PRKDC: variants seen among roughly 807,000 people sequenced by gnomAD.
The protein encoded by PRKDC is protein kinase, DNA-activated, catalytic subunit.
Under a neutral mutation model 486.9 loss-of-function variants are expected in PRKDC, and 82 were observed. The ratio of observed to expected loss-of-function variants is 0.17; its 90% confidence interval spans 0.14 to 0.20. The LOEUF is 0.20. Among genes scored for constraint, PRKDC ranks in the 10% least tolerant of loss-of-function variants. The pLI is 1.00. For synonymous variants in PRKDC, 1,895 were observed against 1,837.0 expected (o/e 1.03, Z -0.81); for missense variants, 4,504 against 5,038.2 (o/e 0.89, Z 3.21).
intron 44 of PRKDC, 45 bp downstream of exon 44, chr8:47,862,013 CTTTG>C: frequency 1.4e-6 from 2 of 1,421,666 alleles, no homozygotes. Context: ...ATATGGTTTT[CTTTG>C]TGAGCACTTG....
chr8:47,877,617 A>C (rs1187800168), intron 40 of PRKDC, 107 bp downstream of exon 40: 11 of 1,149,246 alleles, frequency 9.6e-6, no homozygotes, highest in Non-Finnish European at 1.3e-5. Flanking sequence ...AAAGTTTAGT[A>C]GCAAGAATAT....
Position 47,957,365 on chromosome 8 carries a change from T to C in PRKDC, c.221A>G (p.Asn74Ser), listed in dbSNP as rs1361521324. 4.4e-6 allele frequency: 7 copies of C among 1,598,158 alleles called. No individual in the cohort carries two copies. The highest frequency in any genetic ancestry group is 1.7e-5 in the Admixed American group (1 of 57,334). The part of the protein sequence containing the change: ...GLLVFVRKSL[N>S]SIEFRECREE... ...AAATTGTCAACTTACTTCAATACTG[T>C]TGAGTGACTTCCGGACAAATACAAG... is the stretch of plus-strand genomic sequence containing the variant. Residue 74 changes from asparagine to serine, a missense_variant, in exon 2 of 86, where the codon AAC (asparagine) becomes AGC (serine). Around this residue, in one of 6 missense-constraint regions of PRKDC, gnomAD observed 145 missense variants for 136.3 expected, o/e 1.06. Coordinates refer to ENST00000314191, the MANE Select transcript of PRKDC (RefSeq NM_006904.7).
At chr8:47,778,360 A>T in intron 83 of PRKDC, 99 bp downstream of exon 83, 1 of 1,265,246 alleles carries the variant, frequency 7.9e-7, no homozygotes, top group Non-Finnish European at 1.1e-6. Context: ...TCTAACTAAT[A>T]TGTTGTTTTT....
intron 52 of PRKDC, among the ~76,000 whole-genome samples, chr8:47,851,942 C>A (rs907551168): frequency 6.6e-6 from 1 of 151,716 alleles, no homozygotes; most frequent in Non-Finnish European, 1.5e-5. Context: ...ATGGCGAAAC[C>A]TTGTTTCTAC....
Position 47,900,366 on chromosome 8 carries a change from A to G in PRKDC, c.3364+7T>C. The stretch of plus-strand genomic sequence containing the variant: ...TAACGCACACAGAACACTGAAGCAA[A>G]ACGTACCTAAGGACTTCTCATCTGC... On this transcript the variant is annotated splice_region_variant and intron_variant, in intron 28 of 85. Transcript: ENST00000314191. 1.3e-6 allele frequency: 2 copies of G among 1,598,984 alleles called. No homozygotes were observed. The highest frequency in any genetic ancestry group is 1.7e-6 in the Non-Finnish European group (2 of 1,173,564).
chr8:47,890,277 T>C lies in PRKDC; in HGVS notation c.4051A>G (p.Thr1351Ala), dbSNP rs756232857. 1 of 1,609,804 alleles carries C rather than the reference T, an allele frequency of 6.2e-7. No individual in the cohort carries two copies. The highest frequency in any genetic ancestry group is 8.5e-7 in the Non-Finnish European group (1 of 1,178,574). ...IMEFTTTLLN[T>A]SPEGWKLLKK... is the part of the protein sequence containing the mutation. Reference sequence around the variant, plus strand: ...CCTACCTTCCATCCTTCCGGGGAGGTGTTTAGCAGAGTCGTGGTAAACTCC... The same window carrying C: ...CCTACCTTCCATCCTTCCGGGGAGGCGTTTAGCAGAGTCGTGGTAAACTCC... The change falls in exon 32 of 86, where the codon ACC (threonine) becomes GCC (alanine). Residue 1351 changes from threonine to alanine, a missense_variant. Thr to Ala is a moderately conservative substitution (Grantham distance 58). Around this residue, in one of 6 missense-constraint regions of PRKDC, gnomAD observed 1,969 missense variants for 2,068.9 expected, o/e 0.95. Transcript: ENST00000314191.
At chr8:47,874,202 G>C (rs1213278341) in intron 40 of PRKDC, among the ~76,000 whole-genome samples, 3 of 151,724 alleles carry the variant, frequency 2.0e-5, no homozygotes, top group African/African-American at 7.3e-5. Flanking sequence ...GCCCGCCTTG[G>C]CCTCCCAAAG....
At chr8:47,863,598 A>G in intron 41 of PRKDC, 21 bp from the exon 42 acceptor site, 1 of 1,568,240 alleles carries the variant, frequency 6.4e-7, no homozygotes, top group Non-Finnish European at 8.8e-7. Flanking sequence ...GTAAAAAATA[A>G]TTATCTTTGG....
intron 68 of PRKDC, among the ~76,000 whole-genome samples, chr8:47,813,705 G>C (rs770470663): frequency 5.9e-5 from 9 of 152,064 alleles, no homozygotes; most frequent in Non-Finnish European, 1.2e-4. Context: ...CCTCCGAGTA[G>C]CTAGGATTAC....
At position 47,799,095 on chromosome 8, in the gene PRKDC, T is replaced by C; in HGVS notation, c.10297+115A>G. 3 of 1,349,262 alleles carry C rather than the reference T, an allele frequency of 2.2e-6. No homozygotes were observed. In the Middle Eastern group the frequency reaches 5.7e-4, roughly 255 times the overall value. 83.6% of individuals were successfully genotyped at this position (1,349,262 alleles called of 1,614,324 possible). ...ATTGTCTCTTAAAAAGACAGTAGGA[T>C]TTTCAAAATATTTGTAATTTGAAAA... On this transcript the variant is annotated intron_variant, in intron 72 of 85. Transcript: ENST00000314191.
chr8:47,874,264 TA>T (rs2089036892), intron 40 of PRKDC, among the ~76,000 whole-genome samples: 1 of 152,114 alleles, frequency 6.6e-6, no homozygotes, highest in South Asian at 2.1e-4. Context: ...TTTACATTTT[TA>T]AATAATTAAG....
intron 40 of PRKDC, among the ~76,000 whole-genome samples, chr8:47,872,359 A>G (rs575980932): frequency 1.3e-5 from 2 of 152,292 alleles, no homozygotes; most frequent in Admixed American, 1.3e-4. Context: ...GAAGACAGGA[A>G]GGGAAGCAAG....
In PRKDC at chr8:47,803,293, G is replaced by A. The variant is rs8178217; in HGVS notation, c.9922+13C>T. On this transcript the variant is annotated intron_variant, in intron 70 of 85. Transcript: ENST00000314191. ...CCCTTTAAGATATAAGTGGATAAAA[G>A]CGGTCAACTTACCCAACAAAGAGAC... 9.7e-3 allele frequency: 15,478 copies of A among 1,598,130 alleles called. 1,266 individuals are homozygous for A. The African/African-American group carries it at 0.18, about 19-fold the overall frequency.
chr8:47,934,144 C>T lies in PRKDC; in HGVS notation c.1498-54G>A. The T allele has an allele frequency of 2.6e-6, 4 of 1,535,254 alleles. No individual in the cohort carries two copies. The South Asian group carries it at 3.8e-5, about 15-fold the overall frequency. ...TAGTGATGGATTCTCAGAAGCAGCA[C>T]TGCTGCCAGAACATGCTGGTTTTCA... On this transcript the variant is annotated intron_variant, in intron 14 of 85. Transcript: ENST00000314191.
intron 11 of PRKDC, among the ~76,000 whole-genome samples, chr8:47,939,269 C>G (rs1014659949): frequency 1.3e-5 from 2 of 152,168 alleles, no homozygotes; most frequent in Admixed American, 1.3e-4. Context: ...CTCAGTATAC[C>G]TAAATCCATG....
chr8:47,957,057 C>T (rs952708453), intron 3 of PRKDC, 114 bp downstream of exon 3: 13 of 653,570 alleles, frequency 2.0e-5, no homozygotes, highest in Non-Finnish European at 2.5e-5. Context: ...AAGCAAATTC[C>T]CCAATGAGAA....
chr8:47,796,496 A>C (rs886356805), intron 73 of PRKDC, among the ~76,000 whole-genome samples: 2 of 151,500 alleles, frequency 1.3e-5, no homozygotes, highest in Non-Finnish European at 2.9e-5. Context: ...ATTTCCTCCC[A>C]CCATTTTCTA....
At chr8:47,874,635 T>C (rs1280482847) in intron 40 of PRKDC, among the ~76,000 whole-genome samples, 1 of 151,842 alleles carries the variant, frequency 6.6e-6, no homozygotes, top group Non-Finnish European at 1.5e-5. Flanking sequence ...GGTGTGTGCC[T>C]GTAGTCTCAG....
At position 47,857,264 on chromosome 8, in the gene PRKDC, G is replaced by A. The variant is rs1231386547; in HGVS notation, c.6501C>T (p.Pro2167=). The change falls in exon 49 of 86, where the codon CCC becomes CCT. Residue 2167 remains proline, a synonymous_variant. Coordinates refer to ENST00000314191, the MANE Select transcript of PRKDC (RefSeq NM_006904.7). ...FRPYAKHWLS[P]LLQLAASENN... ...TTTCAGAAGCAGCCAGCTGCAGCAA[G>A]GGGCTAAGCCAGTGCTTCGCGTAAG... 6.2e-7 allele frequency: 1 copy of A among 1,613,904 alleles called. No individual in the cohort carries two copies. Among genetic ancestry groups the A allele is most frequent in the African/African-American group, 1.3e-5 (1 of 75,060 alleles).
Sources: gnomAD v4.1 joint callset for allele counts (sites outside exome capture counted in the v4.1 genomes callset) on GRCh38, gnomAD v4.1.1 for gene constraint, gnomAD v4.1.1 regional missense constraint, MANE v1.5 for transcripts, NCBI Gene and HGNC (gene_info 2026-07-23, HGNC 2026-07-21) for gene names.